Variants in AKAP9 observed in about 807,000 individuals in gnomAD.
The protein encoded by AKAP9 is A-kinase anchoring protein 9, also known as A-kinase anchor protein 9.
In AKAP9, 311 loss-of-function variants were observed where a neutral mutation model predicts 488.5. That is an observed-to-expected ratio of 0.64 (90% confidence interval 0.58 to 0.70). AKAP9 has a LOEUF of 0.70. Ranked by LOEUF, AKAP9 falls within the 30% of genes least tolerant of loss-of-function variation. AKAP9 has a pLI of 0.00. For missense variants in AKAP9, 4,215 were observed against 4,374.5 expected, an observed-to-expected ratio of 0.96 and a Z score of 1.03; for synonymous variants, 1,462 against 1,483.5, an observed-to-expected ratio of 0.99 and a Z score of 0.33.
chr7:92,084,983 T>A lies in AKAP9; in HGVS notation c.8832+43T>A. The A allele has an allele frequency of 1.9e-6, 3 of 1,604,768 alleles. No homozygotes were observed. In the South Asian group the frequency reaches 3.3e-5, roughly 18 times the overall value. ...CCTTTTATTAACTCAGCCAGTGTTGTTTCTATGTTGAACATAGCAGTTCAT... is the reference window on the plus strand; with the variant it reads ...CCTTTTATTAACTCAGCCAGTGTTGATTCTATGTTGAACATAGCAGTTCAT... On this transcript the variant is annotated intron_variant, in intron 35 of 49. Transcript: ENST00000356239.
chr7:91,994,404 G>T (rs1366653484), intron 5 of AKAP9, among the ~76,000 whole-genome samples: 1 of 152,086 alleles, frequency 6.6e-6, no homozygotes, highest in African/African-American at 2.4e-5. Flanking sequence ...TAAATATATG[G>T]ATAAGCCAGA....
chr7:92,054,606 A>G (rs1033579436), intron 22 of AKAP9, among the ~76,000 whole-genome samples: 3 of 152,102 alleles, frequency 2.0e-5, no homozygotes, highest in African/African-American at 7.2e-5. Flanking sequence ...CTGGACAAGT[A>G]TCTGCCTTAT....
chr7:92,093,111 A>AT lies in AKAP9; in HGVS notation c.9373_9374insT (p.Asn3125IlefsTer33). On this transcript the variant is annotated frameshift_variant, in exon 39 of 50. Transcript: ENST00000356239. LOFTEE classifies it high-confidence loss of function. Reference sequence around the variant, plus strand: ...GTTCTGTGTAGAACTCTTGGAATATAATATACAGCAGAAGCAGTCTCAAAT... The same window carrying AT: ...GTTCTGTGTAGAACTCTTGGAATATATATATACAGCAGAAGCAGTCTCAAAT... 1 of 1,613,148 alleles carries AT rather than the reference A, an allele frequency of 6.2e-7. No individual in the cohort carries two copies. Among genetic ancestry groups the AT allele is most frequent in the Non-Finnish European group, 8.5e-7 (1 of 1,179,486 alleles).
intron 29 of AKAP9, 109 bp from the exon 30 acceptor site, chr7:92,077,585 GTC>G (rs1218727903): frequency 4.3e-6 from 4 of 927,286 alleles, no homozygotes; most frequent in Non-Finnish European, 6.9e-6. Flanking sequence ...ACCATATGGT[GTC>G]TCTGATTTTA....
chr7:92,107,050 T>C (rs1438534539), intron 47 of AKAP9, among the ~76,000 whole-genome samples: 1 of 152,228 alleles, frequency 6.6e-6, no homozygotes, highest in Non-Finnish European at 1.5e-5. Context: ...TAAATAATTT[T>C]CTTTGAGACA....
chr7:91,971,019 A>G (rs1795011267), intron 1 of AKAP9, among the ~76,000 whole-genome samples: 1 of 152,226 alleles, frequency 6.6e-6, no homozygotes, highest in Non-Finnish European at 1.5e-5. Flanking sequence ...AGATACAAAA[A>G]CAATACATAA....
At chr7:92,109,020 T>G in intron 49 of AKAP9, 2 of 298,732 alleles carry the variant, frequency 6.7e-6, no homozygotes, top group Non-Finnish European at 6.3e-6. Context: ...CACTCCAGCC[T>G]GGGCAGCAGA....
chr7:92,070,401 G>GTTGTTGTT (rs1811507491), intron 27 of AKAP9, among the ~76,000 whole-genome samples, 195 bp downstream of exon 27: 1 of 145,436 alleles, frequency 6.9e-6, no homozygotes, highest in East Asian at 2.0e-4. Context: ...TGTTGTTGTT[G>GTTGTTGTT]TTGTTTTGTT....
At chr7:91,969,234 C>A (rs1794768081) in intron 1 of AKAP9, among the ~76,000 whole-genome samples, 1 of 152,244 alleles carries the variant, frequency 6.6e-6, no homozygotes, top group African/African-American at 2.4e-5. Flanking sequence ...TGAGGTACTT[C>A]TTGTGACTGA....
At chr7:91,994,039 AG>A (rs931114041) in intron 5 of AKAP9, among the ~76,000 whole-genome samples, 2 of 152,144 alleles carry the variant, frequency 1.3e-5, no homozygotes, top group Non-Finnish European at 2.9e-5. Flanking sequence ...TGAGACAGGA[AG>A]ATCACTGCAG....
intron 18 of AKAP9, chr7:92,041,154 C>T (rs563374576): frequency 1.0e-4 from 43 of 430,616 alleles, no homozygotes; most frequent in Middle Eastern, 6.3e-4. Flanking sequence ...TTATTTAACT[C>T]CTTTTTCAAG....
Position 92,091,315 on chromosome 7 carries a change from C to G in AKAP9, c.9359-1782C>G, listed in dbSNP as rs548056298. On this transcript the variant is annotated intron_variant, in intron 38 of 49. Coordinates refer to ENST00000356239, the MANE Select transcript of AKAP9 (RefSeq NM_005751.5). ...TTATAAAGCTGAAGCAGGCTGGGCC[C>G]TGTGGTTCACGCCTGTAATCCCAGC... Among the ~76,000 whole-genome samples, 4 of 152,130 alleles carry G rather than the reference C, an allele frequency of 2.6e-5. No homozygotes were observed. The South Asian group carries it at 8.3e-4, about 32-fold the overall frequency.
At chr7:91,960,561 C>G (rs997114371) in intron 1 of AKAP9, among the ~76,000 whole-genome samples, 1 of 152,168 alleles carries the variant, frequency 6.6e-6, no homozygotes, top group African/African-American at 2.4e-5. Context: ...CCACACGACC[C>G]CATTTAAATT....
intron 11 of AKAP9, 21 bp from the exon 12 acceptor site, chr7:92,016,996 A>G (rs1174545683): frequency 6.8e-7 from 1 of 1,471,722 alleles, no homozygotes; most frequent in African/African-American, 1.4e-5. Flanking sequence ...AAATTATTGT[A>G]ATTGTTTGTT....
chr7:91,980,189 TGA>T, intron 2 of AKAP9, 98 bp from the exon 3 acceptor site: 1 of 641,736 alleles, frequency 1.6e-6, no homozygotes, highest in South Asian at 2.5e-5. Context: ...GTATTTTATG[TGA>T]CTTTTCTATC....
At chr7:92,099,404 C>G (rs75264690) in intron 43 of AKAP9, among the ~76,000 whole-genome samples, 1 of 152,278 alleles carries the variant, frequency 6.6e-6, no homozygotes, top group African/African-American at 2.4e-5. Context: ...CGTGACTCTC[C>G]ATTGCCTACA....
Position 92,002,137 on chromosome 7 carries a change from A to T in AKAP9, c.2220A>T (p.Thr740=). The T allele has an allele frequency of 1.3e-6, 2 of 1,593,768 alleles. No homozygotes were observed. Among genetic ancestry groups the T allele is most frequent in the Non-Finnish European group, 1.7e-6 (2 of 1,173,610 alleles). ...ILRQEEKEKG[T]LEQEVQELQL... is the part of the protein sequence containing the mutation. Reference sequence around the variant, plus strand: ...GACAAGAAGAAAAAGAAAAGGGTACACTTGAACAAGAAGTTCAAGAATTAC... The same window carrying T: ...GACAAGAAGAAAAAGAAAAGGGTACTCTTGAACAAGAAGTTCAAGAATTAC... The change falls in exon 8 of 50, where the codon ACA becomes ACT. Residue 740 remains threonine, a synonymous_variant. Coordinates refer to ENST00000356239, the MANE Select transcript of AKAP9 (RefSeq NM_005751.5).
In AKAP9 at chr7:92,081,497, A is replaced by ATATT. The variant is rs1370452281; in HGVS notation, c.8020-1024_8020-1023insATTT. Among the ~76,000 whole-genome samples, 351 of 85,350 alleles carry ATATT rather than the reference A, an allele frequency of 4.1e-3. 2 individuals carry two copies. The highest frequency in any genetic ancestry group is 0.012 in the African/African-American group (314 of 25,242). The allele number at this position is 85,350 out of a possible 152,430, so 56.0% of individuals were successfully genotyped here. A position where few individuals can be genotyped will look rare whatever the true frequency, so the allele number is the denominator to read the frequency against. ...TTTATATATATATATATATATATAT[A>ATATT]TTTTTTTTTTTTTAGTAGAGACGAG... On this transcript the variant is annotated intron_variant, in intron 31 of 49. Transcript: ENST00000356239.
chr7:91,976,682 A>G (rs1795741483), intron 2 of AKAP9, among the ~76,000 whole-genome samples: 2 of 152,224 alleles, frequency 1.3e-5, no homozygotes, highest in Non-Finnish European at 2.9e-5. Context: ...GGTCTAACAT[A>G]TAGTCATCTT....
Sources: gnomAD v4.1 joint callset for allele counts (sites outside exome capture counted in the v4.1 genomes callset) on GRCh38, gnomAD v4.1.1 for gene constraint, MANE v1.5 for transcripts, NCBI Gene and HGNC (gene_info 2026-07-23, HGNC 2026-07-21) for gene names.